Variants in KLHL1 observed in about 807,000 individuals in gnomAD.
The protein encoded by KLHL1 is kelch-like protein 1.
Under a neutral mutation model 77.7 loss-of-function variants are expected in KLHL1, and 47 were observed. The ratio of observed to expected loss-of-function variants is 0.60; its 90% CI spans 0.48 to 0.77. The LOEUF is 0.77. Ranked by LOEUF, KLHL1 falls within the 30% of genes least tolerant of loss-of-function variation. The probability of loss-of-function intolerance (pLI) is 0.00; values close to 1 mark genes in which losing one functional copy is unlikely to be tolerated. For synonymous variants in KLHL1, 360 were observed against 325.2 expected (o/e 1.11, Z -1.15); for missense variants, 925 against 910.8 (o/e 1.02, Z -0.20).
At chr13:69,867,747 A>G (rs1398345860) in intron 5 of KLHL1, among the ~76,000 whole-genome samples, 1 of 151,108 alleles carries the variant, frequency 6.6e-6, no homozygotes, top group Non-Finnish European at 1.5e-5. Context: ...CCTATAATTC[A>G]TTTATAATAA....
chr13:69,844,456 C>T (rs1227129889), intron 5 of KLHL1, among the ~76,000 whole-genome samples: 3 of 151,572 alleles, frequency 2.0e-5, no homozygotes, highest in Non-Finnish European at 3.0e-5. Flanking sequence ...TAAATTATTA[C>T]TTGTAACAGT....
chr13:70,024,659 T>G (rs1885896812), intron 1 of KLHL1, among the ~76,000 whole-genome samples: 1 of 146,280 alleles, frequency 6.8e-6, no homozygotes, highest in African/African-American at 2.5e-5. Context: ...TCTCTCTCTC[T>G]CGCTCTGGCT....
At chr13:69,743,824 G>GAAA (rs10608243) in intron 7 of KLHL1, among the ~76,000 whole-genome samples, 40 of 134,842 alleles carry the variant, frequency 3.0e-4, no homozygotes, top group African/African-American at 1.0e-3. Context: ...CAAAAAAACA[G>GAAA]AAAAAAAAAA....
At chr13:69,846,407 A>G (rs886977103) in intron 5 of KLHL1, among the ~76,000 whole-genome samples, 1 of 151,520 alleles carries the variant, frequency 6.6e-6, no homozygotes, top group Admixed American at 6.6e-5. Context: ...GAATTTACCA[A>G]TATGAAAAAT....
chr13:70,048,345 G>A (rs1886549465), intron 1 of KLHL1, among the ~76,000 whole-genome samples: 1 of 152,116 alleles, frequency 6.6e-6, no homozygotes, highest in Non-Finnish European at 1.5e-5. Context: ...ATTAAATTTT[G>A]TGATGGTCTC....
intron 5 of KLHL1, among the ~76,000 whole-genome samples, chr13:69,852,893 G>A (rs543235652): frequency 1.2e-4 from 18 of 152,008 alleles, no homozygotes; most frequent in Admixed American, 1.2e-3. Flanking sequence ...TATTAATCTT[G>A]ATACCAAAGG....
intron 1 of KLHL1, 45 bp downstream of exon 1, chr13:70,107,158 T>A: frequency 6.5e-7 from 1 of 1,535,508 alleles, no homozygotes; most frequent in Non-Finnish European, 8.8e-7. Context: ...GTGAAATGAG[T>A]GGAAATTGAG....
chr13:69,781,175 A>G (rs569251699), intron 7 of KLHL1, among the ~76,000 whole-genome samples: 1 of 152,240 alleles, frequency 6.6e-6, no homozygotes, highest in East Asian at 1.9e-4. Context: ...CATAATGTCA[A>G]GAACTCTGTG....
At chr13:69,738,931 A>G (rs746525554) in intron 8 of KLHL1, among the ~76,000 whole-genome samples, 11 of 152,106 alleles carry the variant, frequency 7.2e-5, no homozygotes, top group Admixed American at 2.0e-4. Context: ...AAGAAGACCA[A>G]CCCCTAGACA....
intron 1 of KLHL1, among the ~76,000 whole-genome samples, chr13:70,077,131 T>A (rs1375844493): frequency 6.6e-6 from 1 of 151,974 alleles, no homozygotes; most frequent in African/African-American, 2.4e-5. Flanking sequence ...AGATATTTAC[T>A]CAAACGAGTT....
chr13:69,981,932 AAAT>A (rs1297168681), intron 1 of KLHL1, among the ~76,000 whole-genome samples: 4 of 145,242 alleles, frequency 2.8e-5, no homozygotes, highest in African/African-American at 8.5e-5. Flanking sequence ...GATACTATTA[AAAT>A]AATAACTTTT....
At chr13:69,722,694 G>A (rs1873120796) in intron 8 of KLHL1, among the ~76,000 whole-genome samples, 1 of 151,930 alleles carries the variant, frequency 6.6e-6, no homozygotes, top group South Asian at 2.1e-4. Context: ...CTCATACATT[G>A]TTTATGGCAA....
chr13:69,719,957 G>A (rs1566357752), intron 8 of KLHL1, among the ~76,000 whole-genome samples: 1 of 151,986 alleles, frequency 6.6e-6, no homozygotes, highest in Non-Finnish European at 1.5e-5. Flanking sequence ...ACAGGAGAAA[G>A]GCATTATCCT....
chr13:69,852,118 A>G (rs1015188693), intron 5 of KLHL1, among the ~76,000 whole-genome samples: 2 of 151,892 alleles, frequency 1.3e-5, no homozygotes, highest in Non-Finnish European at 2.9e-5. Flanking sequence ...GAATTAAGAG[A>G]CAAGAGTAAG....
At chr13:69,930,858 T>G (rs1466279243) in intron 4 of KLHL1, among the ~76,000 whole-genome samples, 3 of 151,638 alleles carry the variant, frequency 2.0e-5, no homozygotes, top group Non-Finnish European at 4.4e-5. Context: ...CTGATACAGG[T>G]GTCTATTTAT....
At chr13:69,926,946 C>CAAAAAA (rs71116960) in intron 4 of KLHL1, among the ~76,000 whole-genome samples, 8,688 of 35,962 alleles carry the variant, frequency 0.24, 3,533 homozygotes, top group South Asian at 0.34. Flanking sequence ...GACTCCATCT[C>CAAAAAA]AAAAAAAAAA....
chr13:70,041,538 A>G (rs1019998574), intron 1 of KLHL1, among the ~76,000 whole-genome samples: 1 of 152,060 alleles, frequency 6.6e-6, no homozygotes, highest in Admixed American at 6.6e-5. Context: ...CAGGCTCCCT[A>G]TTTTTGTTTC....
chr13:69,987,800 A>G (rs1023849491), intron 1 of KLHL1, among the ~76,000 whole-genome samples: 3 of 152,130 alleles, frequency 2.0e-5, no homozygotes, highest in African/African-American at 7.2e-5. Context: ...CAATATACAC[A>G]TAGATATTTA....
chr13:69,899,525 G>T (rs542892210), intron 4 of KLHL1, among the ~76,000 whole-genome samples: 1 of 152,122 alleles, frequency 6.6e-6, no homozygotes, highest in Non-Finnish European at 1.5e-5. Flanking sequence ...GGTGAGAAGC[G>T]CATTAACACG....
Sources: gnomAD v4.1 joint callset for allele counts (sites outside exome capture counted in the v4.1 genomes callset) on GRCh38, gnomAD v4.1.1 for gene constraint, MANE v1.5 for transcripts, NCBI Gene and HGNC (gene_info 2026-07-23, HGNC 2026-07-21) for gene names.